Variants in IQGAP3 observed in about 807,000 individuals in gnomAD.
The protein encoded by IQGAP3 is IQ motif containing GTPase activating protein 3.
IQGAP3 carries 165 observed loss-of-function variants against 208.2 expected under a neutral mutation model. The observed-to-expected ratio is 0.79, with a 90% CI of 0.70 to 0.90. The LOEUF (loss-of-function observed/expected upper bound fraction) is 0.90. Ranked by LOEUF, IQGAP3 falls within the 40% of genes least tolerant of loss-of-function variation. The pLI, the probability that IQGAP3 is intolerant of heterozygous loss-of-function variation, is 0.00. For synonymous variants in IQGAP3, 703 were observed against 803.6 expected, an observed-to-expected ratio of 0.87 and a Z score of 2.12; for missense variants, 1,811 against 2,043.1, an observed-to-expected ratio of 0.89 and a Z score of 2.19.
Position 156,547,388 on chromosome 1 carries a change from GACACACACAC to G in IQGAP3, c.2304+675_2304+684del, listed in dbSNP as rs61344699. Among the ~76,000 whole-genome samples, 119 of 147,428 alleles carry G rather than the reference GACACACACAC, an allele frequency of 8.1e-4. 1 individual carries two copies. Among genetic ancestry groups the G allele is most frequent in the South Asian group, 3.7e-3 (17 of 4,622 alleles). On this transcript the variant is annotated intron_variant, in intron 19 of 37. Coordinates refer to ENST00000361170, the MANE Select transcript of IQGAP3 (RefSeq NM_178229.5). ...ACAGACACACAGACACAGACACACA[GACACACACAC>G]ACACACACACACACACACACACACA...
At position 156,531,217 on chromosome 1, in the gene IQGAP3, C is replaced by A; in HGVS notation, c.4134G>T (p.Gln1378His). The A allele has an allele frequency of 1.2e-6, 2 of 1,613,940 alleles. No individual in the cohort carries two copies. The highest frequency in any genetic ancestry group is 2.2e-5 in the South Asian group (2 of 91,070). ...STKQLLADIIQFHPGDTLKEI... is the reference protein window; with the variant it reads ...STKQLLADIIHFHPGDTLKEI... ...CCTTGAGGGTGTCCCCAGGATGGAACTGTATGATATCGGCCAACAGCTGCT... is the reference window on the plus strand; with the variant it reads ...CCTTGAGGGTGTCCCCAGGATGGAAATGTATGATATCGGCCAACAGCTGCT... Residue 1378 changes from glutamine to histidine, a missense_variant, in exon 33 of 38, where the codon CAG becomes CAT. Transcript: ENST00000361170.
rs1466086114 is a variant in IQGAP3 at position 156,548,148 on chromosome 1, G to GCCA, written c.2226_2228dup (p.Gly743dup). 1 of 1,613,932 alleles carries GCCA rather than the reference G, an allele frequency of 6.2e-7. No individual in the cohort carries two copies. Among genetic ancestry groups the GCCA allele is most frequent in the African/African-American group, 1.3e-5 (1 of 74,922 alleles). On this transcript the variant is annotated inframe_insertion, in exon 19 of 38. Transcript: ENST00000361170. ...CAGCAAACTTCTGCCGAACTAGGAA[G>GCCA]CCACGGAGGCGGGCCTGGAGCTGGA...
chr1:156,526,860 T>C (rs2102342320), intron 37 of IQGAP3, among the ~76,000 whole-genome samples: 2 of 152,030 alleles, frequency 1.3e-5, no homozygotes, highest in Admixed American at 1.3e-4. Context: ...TGAGACGGAG[T>C]CTCACTCGGT....
intron 25 of IQGAP3, 53 bp downstream of exon 25, chr1:156,539,321 G>A: frequency 6.5e-7 from 1 of 1,542,104 alleles, no homozygotes; most frequent in Non-Finnish European, 8.9e-7. Context: ...GGAGCCAACA[G>A]GGGGATCTCT....
Position 156,563,829 on chromosome 1 carries a change from G to GA in IQGAP3, c.438-6dup, listed in dbSNP as rs1462451155. 2 of 1,612,840 alleles carry GA rather than the reference G, an allele frequency of 1.2e-6. No homozygotes were observed. Among genetic ancestry groups the GA allele is most frequent in the African/African-American group, 2.7e-5 (2 of 74,814 alleles). On this transcript the variant is annotated splice_region_variant and splice_polypyrimidine_tract_variant and intron_variant, in intron 5 of 37. Coordinates refer to ENST00000361170, the MANE Select transcript of IQGAP3 (RefSeq NM_178229.5). The stretch of plus-strand genomic sequence containing the variant: ...CCCAGCCGGAAGAGGAAGAGACTAG[G>GA]AAAAAACGGAAGGCATTGGAAGGCA...
intron 1 of IQGAP3, among the ~76,000 whole-genome samples, chr1:156,571,021 A>C (rs1676623285): frequency 6.6e-6 from 1 of 152,236 alleles, no homozygotes; most frequent in Non-Finnish European, 1.5e-5. Context: ...AAGGACAAAG[A>C]AAATTTTAAA....
At chr1:156,539,114 C>T in intron 25 of IQGAP3, 81 bp from the exon 26 acceptor site, 2 of 1,220,338 alleles carry the variant, frequency 1.6e-6, no homozygotes, top group South Asian at 2.6e-5. Context: ...GAGATTTTGG[C>T]TCTCAAAGCC....
chr1:156,526,882 C>T (rs188178021), intron 37 of IQGAP3, among the ~76,000 whole-genome samples: 3 of 152,160 alleles, frequency 2.0e-5, no homozygotes, highest in African/African-American at 7.2e-5. Flanking sequence ...TCCCAGGCTA[C>T]AGTGCAGTGG....
Position 156,552,066 on chromosome 1 carries a change from T to G in IQGAP3, c.1478A>C (p.Gln493Pro). 1 of 1,614,158 alleles carries G rather than the reference T, an allele frequency of 6.2e-7. No homozygotes were observed. Among genetic ancestry groups the G allele is most frequent in the Non-Finnish European group, 8.5e-7 (1 of 1,180,008 alleles). The change falls in exon 14 of 38, where the codon CAG becomes CCG. Residue 493 changes from glutamine to proline, a missense_variant. Coordinates refer to ENST00000361170, the MANE Select transcript of IQGAP3 (RefSeq NM_178229.5). Reference sequence around the variant, plus strand: ...GAAGTCCTCACCCATCCCACGCTCCTGTCGCAATTTCAGCAGGGCATCGAA... The same window carrying G: ...GAAGTCCTCACCCATCCCACGCTCCGGTCGCAATTTCAGCAGGGCATCGAA... Reference protein sequence around the residue: ...RYFDALLKLRQERGMGEDFLS... With the variant: ...RYFDALLKLRPERGMGEDFLS...
At chr1:156,543,525 C>G (rs1005656391) in intron 22 of IQGAP3, among the ~76,000 whole-genome samples, 13 of 152,274 alleles carry the variant, frequency 8.5e-5, no homozygotes, top group Non-Finnish European at 1.3e-4. Flanking sequence ...CTCTTTAAAG[C>G]TTTAAATGAG....
In IQGAP3 at chr1:156,561,967, CA is replaced by C; in HGVS notation, c.911del (p.Leu304ArgfsTer23). On this transcript the variant is annotated frameshift_variant, in exon 10 of 38. Coordinates refer to ENST00000361170, the MANE Select transcript of IQGAP3 (RefSeq NM_178229.5). LOFTEE classifies it high-confidence loss of function. ...GCAAGGCTTCAGGGCTCTGTCTTTC[CA>C]GGGCATCATCAACAACTTCTAGAGC... ...HGALEVVDDA[L>X]ERQSPEALLK... 1 of 1,613,466 alleles carries C rather than the reference CA, an allele frequency of 6.2e-7. No individual in the cohort carries two copies.
intron 35 of IQGAP3, 92 bp from the exon 36 acceptor site, chr1:156,528,702 C>A: frequency 8.7e-7 from 1 of 1,153,156 alleles, no homozygotes; most frequent in South Asian, 1.4e-5. Context: ...AATGAGACCC[C>A]GAGGAAGACT....
chr1:156,552,468 C>T (rs4587556), intron 13 of IQGAP3, among the ~76,000 whole-genome samples: 10,989 of 152,278 alleles, frequency 0.072, 607 homozygotes, highest in African/African-American at 0.15. Context: ...AACCCAACAG[C>T]TCACATCTGA....
rs878933400 is a variant in IQGAP3, at chr1:156,561,134, C to CCT, written c.1042-115_1042-114dup. On this transcript the variant is annotated intron_variant, in intron 10 of 37. Transcript: ENST00000361170. The stretch of plus-strand genomic sequence containing the variant: ...ACCCAGCCACCTACCCTCAATCCTA[C>CCT]CTCTCTCCGTTAGGCTGGCTCACTC... 11 of 701,450 alleles carry CCT rather than the reference C, an allele frequency of 1.6e-5. No homozygotes were observed. In the South Asian group the frequency reaches 1.8e-4, roughly 11 times the overall value. 43.5% of individuals were successfully genotyped at this position (701,450 alleles called of 1,614,324 possible).
At chr1:156,531,380 G>A (rs1394176092) in intron 32 of IQGAP3, 133 bp from the exon 33 acceptor site, 31 of 691,872 alleles carry the variant, frequency 4.5e-5, no homozygotes, top group Non-Finnish European at 6.6e-5. Flanking sequence ...GAGAGAGAGC[G>A]AGGGATAGGG....
chr1:156,560,888 G>T, intron 11 of IQGAP3, 46 bp downstream of exon 11: 1 of 1,313,198 alleles, frequency 7.6e-7, no homozygotes, highest in Non-Finnish European at 1.1e-6. Flanking sequence ...TCTTCTAAGA[G>T]TCAGAGATAC....
At chr1:156,554,157 G>A in intron 13 of IQGAP3, 78 bp downstream of exon 13, 1 of 1,484,334 alleles carries the variant, frequency 6.7e-7, no homozygotes, top group Non-Finnish European at 9.1e-7. Context: ...CACAAGGCAA[G>A]TCTCCAACAG....
chr1:156,533,048 C>T lies in IQGAP3; in HGVS notation c.4035G>A (p.Thr1345=), dbSNP rs757666735. The T allele has an allele frequency of 4.4e-5, 71 of 1,613,984 alleles. No individual in the cohort carries two copies. The highest frequency in any genetic ancestry group is 2.8e-4 in the Admixed American group (17 of 59,994). ...TDLSKLEVSL[T]LTNKFEGLEA... The stretch of plus-strand genomic sequence containing the variant: ...CTAGTCCTTCAAACTTGTTGGTCAG[C>T]GTCAGGGACACTTCTAGCTTGCTCA... Residue 1345 remains threonine, a synonymous_variant, in exon 32 of 38, where the codon ACG becomes ACA. Coordinates refer to ENST00000361170, the MANE Select transcript of IQGAP3 (RefSeq NM_178229.5).
chr1:156,537,446 G>T, intron 26 of IQGAP3, 125 bp from the exon 27 acceptor site: 1 of 911,708 alleles, frequency 1.1e-6, no homozygotes, highest in Non-Finnish European at 1.6e-6. Context: ...GGACAGCTCA[G>T]CATGCTAAAG....
Sources: gnomAD v4.1 joint callset for allele counts (sites outside exome capture counted in the v4.1 genomes callset) on GRCh38, gnomAD v4.1.1 for gene constraint, MANE v1.5 for transcripts, NCBI Gene and HGNC (gene_info 2026-07-23, HGNC 2026-07-21) for gene names.